CLCNKB: variants seen among roughly 807,000 people sequenced by gnomAD.
The protein encoded by CLCNKB is chloride channel protein ClC-Kb.
CLCNKB carries 74 observed loss-of-function variants against 83.8 expected under a neutral mutation model. That is an observed-to-expected ratio of 0.88 (90% CI 0.73 to 1.07). CLCNKB has a LOEUF of 1.07. Among genes scored for constraint, CLCNKB ranks in the 50% least tolerant of loss-of-function variants. The probability of loss-of-function intolerance (pLI) is 0.00; values close to 1 mark genes in which losing one functional copy is unlikely to be tolerated. For missense variants in CLCNKB, 798 were observed against 893.6 expected (o/e 0.89, Z 1.36); for synonymous variants, 358 against 356.6 (o/e 1.00, Z -0.04).
intron 2 of CLCNKB, among the ~76,000 whole-genome samples, chr1:16,045,317 G>A (rs2023066962): frequency 6.6e-6 from 1 of 152,336 alleles, no homozygotes; most frequent in South Asian, 2.1e-4. Flanking sequence ...GGGTCGGCAG[G>A]TCAACGGCTT....
intron 2 of CLCNKB, 78 bp downstream of exon 2, chr1:16,044,670 C>T (rs889563690): frequency 8.0e-6 from 10 of 1,250,096 alleles, no homozygotes; most frequent in Admixed American, 4.0e-5. Flanking sequence ...ACCCCACCTC[C>T]CTGCCCAGGA....
intron 5 of CLCNKB, 35 bp downstream of exon 5, chr1:16,048,079 A>G: frequency 6.2e-7 from 1 of 1,601,242 alleles, no homozygotes; most frequent in Non-Finnish European, 8.5e-7. Context: ...CAACCACCCT[A>G]CCCACCCCAG....
chr1:16,048,751 C>G, intron 7 of CLCNKB, 169 bp downstream of exon 7: 2 of 1,473,420 alleles, frequency 1.4e-6, no homozygotes, highest in East Asian at 2.5e-5. Flanking sequence ...GGAGGGGGGG[C>G]GGGTGACTTG....
intron 7 of CLCNKB, 158 bp downstream of exon 7, chr1:16,048,740 G>A: frequency 6.8e-7 from 1 of 1,475,682 alleles, no homozygotes; most frequent in Non-Finnish European, 9.0e-7. Flanking sequence ...CCCCACCGGG[G>A]GGAGGGGGGG....
intron 5 of CLCNKB, 145 bp downstream of exon 5, chr1:16,048,189 G>A (rs1279712845): frequency 8.4e-6 from 12 of 1,435,672 alleles, no homozygotes; most frequent in Middle Eastern, 1.7e-4. Flanking sequence ...GAAGAGGCAG[G>A]CCAGGTCCCC....
intron 12 of CLCNKB, 111 bp from the exon 13 acceptor site, chr1:16,051,366 GC>G (rs1228313122): frequency 8.1e-6 from 11 of 1,365,156 alleles, no homozygotes; most frequent in Non-Finnish European, 1.0e-5. Flanking sequence ...TGGGTGCATG[GC>G]CGGCACCCTC....
chr1:16,051,724 C>A lies in CLCNKB; in HGVS notation c.1312C>A (p.Arg438Ser), dbSNP rs121909133. The A allele has an allele frequency of 2.1e-5, 34 of 1,613,844 alleles. No individual in the cohort carries two copies. The Admixed American group carries it at 4.7e-4, about 22-fold the overall frequency. Residue 438 changes from arginine to serine, a missense_variant, in exon 14 of 20, where the codon CGC (arginine) becomes AGC (serine). By Grantham distance (110) the Arg-to-Ser change is moderately radical (BLOSUM62 -1). Transcript: ENST00000375679. ...PIFVYGAAIG[R>S]LFGETLSFIF... Reference sequence around the variant, plus strand: ...TCTGTGGCCAGGAGCTGCTATCGGGCGCCTCTTTGGGGAGACTCTCTCTTT... The same window carrying A: ...TCTGTGGCCAGGAGCTGCTATCGGGAGCCTCTTTGGGGAGACTCTCTCTTT...
intron 14 of CLCNKB, 28 bp downstream of exon 14, chr1:16,051,848 G>T: frequency 6.4e-7 from 1 of 1,567,860 alleles, no homozygotes; most frequent in African/African-American, 1.4e-5. Context: ...CTGCTGCGTG[G>T]GCAATGTCGT....
intron 16 of CLCNKB, 97 bp downstream of exon 16, chr1:16,053,869 G>A (rs1037326016): frequency 1.3e-6 from 2 of 1,501,398 alleles, no homozygotes; most frequent in African/African-American, 2.7e-5. Flanking sequence ...TCCAGGCTCT[G>A]TGACTTAGCA....
rs1271255387 is a variant in CLCNKB at position 16,045,621 on chromosome 1, CCCTCGGGGTG to C, written c.166_175del (p.Leu56SerfsTer68). 1 of 1,613,964 alleles carries C rather than the reference CCCTCGGGGTG, an allele frequency of 6.2e-7. No homozygotes were observed. Among genetic ancestry groups the C allele is most frequent in the Non-Finnish European group, 8.5e-7 (1 of 1,179,944 alleles). On this transcript the variant is annotated frameshift_variant, in exon 3 of 20. Coordinates refer to ENST00000375679, the MANE Select transcript of CLCNKB (RefSeq NM_000085.5). LOFTEE classifies it high-confidence loss of function. ...GGCGAGGACTGGTACTTCCTGATGA[CCCTCGGGGTG>C]CTCATGGCCCTGGTCAGCTGTGCCA... is the stretch of plus-strand genomic sequence containing the variant.
Position 16,053,723 on chromosome 1 carries a change from G to T in CLCNKB, c.1707G>T (p.Lys569Asn). 1 of 1,613,962 alleles carries T rather than the reference G, an allele frequency of 6.2e-7. No individual in the cohort carries two copies. The highest frequency in any genetic ancestry group is 1.1e-5 in the South Asian group (1 of 91,070). Residue 569 changes from lysine to asparagine, a missense_variant, in exon 16 of 20, where the codon AAG becomes AAT. Physicochemically the swap from Lys to Asn is moderately conservative, Grantham distance 94. Coordinates refer to ENST00000375679, the MANE Select transcript of CLCNKB (RefSeq NM_000085.5). Reference protein sequence around the residue: ...AKDMPLEEVVKVVTSTDVAKY... With the variant: ...AKDMPLEEVVNVVTSTDVAKY... ...ACATGCCACTGGAGGAGGTGGTCAAGGTTGTGACCTCCACAGACGTGGCCA... is the reference window on the plus strand; with the variant it reads ...ACATGCCACTGGAGGAGGTGGTCAATGTTGTGACCTCCACAGACGTGGCCA...
intron 4 of CLCNKB, 63 bp from the exon 5 acceptor site, chr1:16,047,842 T>C (rs1431488868): frequency 4.5e-6 from 7 of 1,542,894 alleles, no homozygotes; most frequent in Non-Finnish European, 9.0e-7. Context: ...ATCACACAGG[T>C]AGAGTGTTGA....
At position 16,056,589 on chromosome 1, in the gene CLCNKB, G is replaced by A. The variant is rs111968531; in HGVS notation, c.2016+81G>A. 7.1e-3 allele frequency: 3,777 copies of A among 534,558 alleles called. 121 individuals are homozygous for A. Among genetic ancestry groups the A allele is most frequent in the African/African-American group, 0.067 (3,407 of 50,540 alleles). 33.1% of individuals were successfully genotyped at this position (534,558 alleles called of 1,614,324 possible). ...GGAGGTGGGGAGGTGGGGTGGGGGG[G>A]ACACCAGCATGCTCCCATCCAAACC... On this transcript the variant is annotated intron_variant, in intron 19 of 19. Coordinates refer to ENST00000375679, the MANE Select transcript of CLCNKB (RefSeq NM_000085.5).
chr1:16,048,692 G>C (rs2023180609), intron 7 of CLCNKB, 110 bp downstream of exon 7: 4 of 1,546,800 alleles, frequency 2.6e-6, no homozygotes, highest in African/African-American at 2.7e-5. Context: ...GCTCATTCTA[G>C]TTCTCACTTC....
At chr1:16,056,540 G>T in intron 19 of CLCNKB, 32 bp downstream of exon 19, 1 of 1,404,532 alleles carries the variant, frequency 7.1e-7, no homozygotes, top group Non-Finnish European at 9.8e-7. Flanking sequence ...AGCAAAGCAG[G>T]GAACCTATGC....
intron 5 of CLCNKB, 46 bp downstream of exon 5, chr1:16,048,090 C>T (rs778699432): frequency 1.9e-6 from 3 of 1,592,644 alleles, no homozygotes; most frequent in Non-Finnish European, 1.7e-6. Context: ...CCCACCCCAG[C>T]CACCCCAGTC....
Position 16,045,587 on chromosome 1 carries a change from T to G in CLCNKB, c.130T>G (p.Phe44Val). The G allele has an allele frequency of 6.2e-7, 1 of 1,613,908 alleles. No homozygotes were observed. Among genetic ancestry groups the G allele is most frequent in the South Asian group, 1.1e-5 (1 of 91,086 alleles). Residue 44 changes from phenylalanine to valine, a missense_variant, in exon 3 of 20, where the codon TTC (phenylalanine) becomes GTC (valine). Phe to Val is a conservative substitution (Grantham distance 50). Transcript: ENST00000375679. ...CCTGGAGTGGCTGAAGCAGAAGCTC[T>G]TCCGCCTGGGCGAGGACTGGTACTT... ...GGLEWLKQKL[F>V]RLGEDWYFLM... is the part of the protein sequence containing the mutation.
At chr1:16,048,873 G>A in intron 7 of CLCNKB, 16 of 1,442,184 alleles carry the variant, frequency 1.1e-5, no homozygotes, top group Non-Finnish European at 1.4e-5. Flanking sequence ...TCTACAAAAT[G>A]GAGATCGCAA....
rs1456888944 is a variant in CLCNKB, at chr1:16,055,544, T to C, written c.1845+21T>C. On this transcript the variant is annotated intron_variant, in intron 17 of 19. Transcript: ENST00000375679. ...ACCAGGTGGGTACTCCTGAGGGGCA[T>C]GGGGATGGGGCGGGGGTGGGTCAGC... The C allele has an allele frequency of 4.7e-6, 3 of 642,208 alleles. No homozygotes were observed. The African/African-American group carries it at 6.7e-5, about 14-fold the overall frequency. 39.8% of individuals were successfully genotyped at this position (642,208 alleles called of 1,614,324 possible). A position where few individuals can be genotyped will look rare whatever the true frequency, so the allele number is the denominator to read the frequency against.
Sources: gnomAD v4.1 joint callset for allele counts (sites outside exome capture counted in the v4.1 genomes callset) on GRCh38, gnomAD v4.1.1 for gene constraint, MANE v1.5 for transcripts, NCBI Gene and HGNC (gene_info 2026-07-23, HGNC 2026-07-21) for gene names.